The following ZNF787 variants were observed in gnomAD, a reference collection of about 807,000 sequenced individuals.
ZNF787 encodes the protein TTF-I-interacting peptide 20.
Under a neutral mutation model 16.9 loss-of-function variants are expected in ZNF787, and 7 were observed. The observed-to-expected ratio is 0.42, with a 90% CI of 0.24 to 0.78. The LOEUF is 0.78. ZNF787 is among the 30% of genes least tolerant of loss of function. The pLI, the probability that ZNF787 is intolerant of heterozygous loss-of-function variation, is 0.30. For missense variants in ZNF787, 551 were observed against 589.3 expected, an observed-to-expected ratio of 0.94 and a Z score of 0.67; for synonymous variants, 345 against 270.9, an observed-to-expected ratio of 1.27 and a Z score of -2.69.
intron 2 of ZNF787, among the ~76,000 whole-genome samples, chr19:56,096,391 C>G (rs1308113196): frequency 6.6e-6 from 1 of 151,934 alleles, no homozygotes; most frequent in Non-Finnish European, 1.5e-5. Context: ...TGCACTCCAG[C>G]CTGGGCAACA....
At chr19:56,100,679 TAGG>T (rs1225750933) in intron 2 of ZNF787, among the ~76,000 whole-genome samples, 10 of 113,984 alleles carry the variant, frequency 8.8e-5, no homozygotes, top group African/African-American at 3.4e-4. Context: ...CACTGTCACA[TAGG>T]AGGGACGCAC....
Position 56,088,149 on chromosome 19 carries a change from C to A in ZNF787, c.1023G>T (p.Val341=), listed in dbSNP as rs367690218. Residue 341 remains valine, a synonymous_variant, in exon 3 of 3, where the codon GTG becomes GTT. Coordinates refer to ENST00000610935, the MANE Select transcript of ZNF787 (RefSeq NM_001002836.4). This position sits in a 1 kb window ranked among gnomAD's most constrained non-coding sequence, Gnocchi z 8.6. Reference sequence around the variant, plus strand: ...AGCTGCTGCAGACCGAGGGCGCGCCCACCGCGTGGATCTTCTTGTGTCTCC... The same window carrying A: ...AGCTGCTGCAGACCGAGGGCGCGCCAACCGCGTGGATCTTCTTGTGTCTCC... ...ALRRHKKIHA[V]GAPSVCSSCG... 3.9e-6 allele frequency: 6 copies of A among 1,555,428 alleles called. No homozygotes were observed. Among genetic ancestry groups the A allele is most frequent in the Non-Finnish European group, 5.2e-6 (6 of 1,156,008 alleles).
At chr19:56,114,363 G>A (rs990123021) in intron 1 of ZNF787, among the ~76,000 whole-genome samples, 1 of 150,486 alleles carries the variant, frequency 6.6e-6, no homozygotes, top group Non-Finnish European at 1.5e-5. Flanking sequence ...GCCCCGGCCA[G>A]GCCTGGTCTC....
chr19:56,091,948 A>AAACCGAAACCG (rs1270933861), intron 2 of ZNF787, among the ~76,000 whole-genome samples: 1,118 of 25,502 alleles, frequency 0.044, 20 homozygotes, highest in African/African-American at 0.057. Flanking sequence ...AGCCAAAGCC[A>AAACCGAAACCG]AAGCCGAAAC....
Position 56,087,832 on chromosome 19 carries a change from G to A in ZNF787, c.*191C>T, listed in dbSNP as rs1478349150. On this transcript the variant is annotated 3_prime_UTR_variant, in exon 3 of 3. Transcript: ENST00000610935. ...TGAGGGGGCAGAGTCTCGAGGCGGA[G>A]AAGTGAACGGGCCCTAATACGCCCC... 4 of 907,890 alleles carry A rather than the reference G, an allele frequency of 4.4e-6. No homozygotes were observed. Among genetic ancestry groups the A allele is most frequent in the South Asian group, 4.2e-5 (1 of 23,810 alleles). 56.2% of individuals were successfully genotyped at this position (907,890 alleles called of 1,614,324 possible). A position where few individuals can be genotyped will look rare whatever the true frequency, so the allele number is the denominator to read the frequency against.
chr19:56,105,884 CCGG>C (rs1568531078), intron 1 of ZNF787, among the ~76,000 whole-genome samples: 6 of 151,950 alleles, frequency 3.9e-5, no homozygotes, highest in African/African-American at 1.4e-4. Context: ...GCGCATTCCC[CCGG>C]CCGCGCCCAC....
At chr19:56,093,066 T>G (rs1433924729) in intron 2 of ZNF787, among the ~76,000 whole-genome samples, 1 of 140,964 alleles carries the variant, frequency 7.1e-6, no homozygotes. Flanking sequence ...GGCTACCCCA[T>G]AGACACGGGG....
chr19:56,098,861 A>C (rs1328102454), intron 2 of ZNF787, among the ~76,000 whole-genome samples: 1 of 140,446 alleles, frequency 7.1e-6, no homozygotes, highest in Non-Finnish European at 1.5e-5. Flanking sequence ...TGATATGGCC[A>C]CCCGGGTGAT....
intron 1 of ZNF787, among the ~76,000 whole-genome samples, chr19:56,119,686 C>A (rs1420695838): frequency 6.6e-6 from 1 of 152,218 alleles, no homozygotes; most frequent in Non-Finnish European, 1.5e-5. Flanking sequence ...CACACTCTGG[C>A]AGTGCACCAG....
At chr19:56,115,347 T>G (rs2030100972) in intron 1 of ZNF787, among the ~76,000 whole-genome samples, 2 of 150,164 alleles carry the variant, frequency 1.3e-5, no homozygotes, top group African/African-American at 4.9e-5. Context: ...GCACGTTGAT[T>G]TCGCTGCTTT....
chr19:56,092,150 G>C (rs1985627221), intron 2 of ZNF787, among the ~76,000 whole-genome samples: 1 of 152,138 alleles, frequency 6.6e-6, no homozygotes, highest in Non-Finnish European at 1.5e-5. Flanking sequence ...TTCCCAGCAA[G>C]AGAAGAGCAC....
At chr19:56,101,834 C>T (rs1401150035) in intron 2 of ZNF787, 2 of 152,232 alleles carry the variant, frequency 1.3e-5, no homozygotes, top group East Asian at 1.9e-4. Context: ...AATTAATTTT[C>T]GAAAAGGTTC....
At chr19:56,092,788 C>T (rs1007851) in intron 2 of ZNF787, among the ~76,000 whole-genome samples, 107,130 of 151,564 alleles carry the variant, frequency 0.71, 42,190 homozygotes, top group South Asian at 0.93. Context: ...GATGGCGGAA[C>T]TGGGATACCC....
chr19:56,118,723 C>G (rs744309), intron 1 of ZNF787, among the ~76,000 whole-genome samples: 89,199 of 152,108 alleles, frequency 0.59, 29,449 homozygotes, highest in South Asian at 0.82. Flanking sequence ...ACAGTCCTCA[C>G]TAGGCTGGAG....
intron 1 of ZNF787, among the ~76,000 whole-genome samples, chr19:56,107,451 T>C (rs1284064845): frequency 7.0e-6 from 1 of 143,378 alleles, no homozygotes; most frequent in Non-Finnish European, 1.6e-5. Flanking sequence ...TAAGGGTCAC[T>C]GGGAGAAACG....
At chr19:56,096,556 T>C (rs1985881893) in intron 2 of ZNF787, among the ~76,000 whole-genome samples, 1 of 143,178 alleles carries the variant, frequency 7.0e-6, no homozygotes, top group Non-Finnish European at 1.5e-5. Context: ...CTACTAAAAC[T>C]ACAAAAATTA....
In ZNF787 at chr19:56,112,744, C is replaced by T. The variant is rs376751707; in HGVS notation, c.-11+8428G>A. 1.6e-4 allele frequency among the ~76,000 whole-genome samples: 24 copies of T among 152,114 alleles called. No homozygotes were observed. The Middle Eastern group carries it at 0.01, about 65-fold the overall frequency. On this transcript the variant is annotated intron_variant, in intron 1 of 2. Transcript: ENST00000610935. ...ATCCTCCAACCACTGGGCTAACACC[C>T]TCTCTGACTTTTCACCAAATCCTGT...
intron 2 of ZNF787, among the ~76,000 whole-genome samples, chr19:56,090,767 A>C (rs1985543740): frequency 1.3e-5 from 2 of 152,248 alleles, no homozygotes; most frequent in Admixed American, 1.3e-4. Flanking sequence ...GGTTGCAGTG[A>C]GCTGAGATCA....
At position 56,087,560 on chromosome 19, in the gene ZNF787, A is replaced by AAAGGTGGGCTGATTAAAAG. The variant is rs1985303756; in HGVS notation, c.*444_*462dup. On this transcript the variant is annotated 3_prime_UTR_variant, in exon 3 of 3. Coordinates refer to ENST00000610935, the MANE Select transcript of ZNF787 (RefSeq NM_001002836.4). The stretch of plus-strand genomic sequence containing the variant: ...ATGGATTGGGGCGGGCGGGGAGTCA[A>AAAGGTGGGCTGATTAAAAG]AAGGTGGGCTGATTAAAAGAAAATT... 6.6e-6 allele frequency: 1 copy of AAAGGTGGGCTGATTAAAAG among 152,654 alleles called. No individual in the cohort carries two copies. The highest frequency in any genetic ancestry group is 2.4e-5 in the African/African-American group (1 of 41,514). 9.5% of individuals were successfully genotyped at this position (152,654 alleles called of 1,614,324 possible). A position where few individuals can be genotyped will look rare whatever the true frequency, so the allele number is the denominator to read the frequency against.
Sources: gnomAD v4.1 joint callset for allele counts (sites outside exome capture counted in the v4.1 genomes callset) on GRCh38, gnomAD v4.1.1 for gene constraint, Gnocchi (gnomAD v3.1) non-coding constraint, MANE v1.5 for transcripts, NCBI Gene and HGNC (gene_info 2026-07-23, HGNC 2026-07-21) for gene names.